Variants in ZNF90 observed in about 807,000 individuals in gnomAD.
ZNF90 encodes zinc finger protein 90, also known as zinc finger protein HTF9.
In ZNF90, 11 loss-of-function variants were observed where a neutral mutation model predicts 12.0. The observed-to-expected ratio is 0.92, with a 90% CI of 0.58 to 1.52. The LOEUF (loss-of-function observed/expected upper bound fraction) is 1.52. Ranked by LOEUF, ZNF90 falls within the 40% of genes most tolerant of loss-of-function variation. ZNF90 has a pLI of 0.00. For synonymous variants in ZNF90, 232 were observed against 240.1 expected, an observed-to-expected ratio of 0.97 and a Z score of 0.31; for missense variants, 765 against 711.5, an observed-to-expected ratio of 1.08 and a Z score of -0.86.
In ZNF90 at chr19:20,119,952, A is replaced by G. The variant is rs2089181993; in HGVS notation, c.*592A>G. ...AAGAGGAACTTTACAAACTTGAAAG[A>G]TGTGACAGTGCTTTTACCACCACCT... On this transcript the variant is annotated 3_prime_UTR_variant, in exon 4 of 4. Transcript: ENST00000418063. Among the ~76,000 whole-genome samples, 1 of 152,196 alleles carries G rather than the reference A, an allele frequency of 6.6e-6. No individual in the cohort carries two copies. The highest frequency in any genetic ancestry group is 2.4e-5 in the African/African-American group (1 of 41,450).
chr19:20,088,212 G>C lies in ZNF90; in HGVS notation c.3+10077G>C, dbSNP rs138858150. ...GTTGGGGCGGCAAAAATTTTTGGGGGGTGGTATGGAGAGAGAATGGGCGAT... is the reference window on the plus strand; with the variant it reads ...GTTGGGGCGGCAAAAATTTTTGGGGCGTGGTATGGAGAGAGAATGGGCGAT... On this transcript the variant is annotated intron_variant, in intron 1 of 3. Coordinates refer to ENST00000418063, the MANE Select transcript of ZNF90 (RefSeq NM_007138.2). Among the ~76,000 whole-genome samples the C allele has an allele frequency of 4.2e-3, 632 of 151,898 alleles. 5 individuals are homozygous for C. Among genetic ancestry groups the C allele is most frequent in the African/African-American group, 0.015 (604 of 41,380 alleles).
At chr19:20,117,733 T>C (rs2089152402) in intron 3 of ZNF90, 48 bp from the exon 4 acceptor site, 1 of 1,448,468 alleles carries the variant, frequency 6.9e-7, no homozygotes, top group Non-Finnish European at 9.1e-7. Context: ...AACCTGTATT[T>C]ATCAGAATCT....
intron 3 of ZNF90, among the ~76,000 whole-genome samples, chr19:20,115,515 A>C (rs73536244): frequency 0.08 from 12,067 of 150,742 alleles, 1,613 homozygotes; most frequent in African/African-American, 0.28. Context: ...GGGATTCTAT[A>C]AAAACTCTAA....
At chr19:20,110,663 G>A (rs191204214) in intron 3 of ZNF90, among the ~76,000 whole-genome samples, 16 of 152,186 alleles carry the variant, frequency 1.1e-4, no homozygotes, top group Non-Finnish European at 4.4e-5. Context: ...TTTAACATGG[G>A]TTTCATTTTT....
Position 20,117,175 on chromosome 19 carries a change from TAGGATTACA to T in ZNF90, c.227-605_227-597del, listed in dbSNP as rs200361565. Among the ~76,000 whole-genome samples the T allele has an allele frequency of 8.9e-4, 136 of 151,970 alleles. 1 individual carries two copies. The East Asian group carries it at 0.021, about 23-fold the overall frequency. ...CTCCTGCCTAAGCCTCCCAAGTAGCTAGGATTACAGGTACCTGTTACCATGCCTGGCTAA... is the reference window on the plus strand; with the variant it reads ...CTCCTGCCTAAGCCTCCCAAGTAGCTGGTACCTGTTACCATGCCTGGCTAA... On this transcript the variant is annotated intron_variant, in intron 3 of 3. Transcript: ENST00000418063.
intron 1 of ZNF90, chr19:20,080,506 AGC>A (rs966836225): frequency 3.8e-6 from 1 of 265,262 alleles, no homozygotes; most frequent in Non-Finnish European, 7.9e-6. Flanking sequence ...CTGGACTTGC[AGC>A]GTTTGTGCCA....
rs114040038 is a variant in ZNF90 at position 20,110,232 on chromosome 19, A to G, written c.226+4916A>G. On this transcript the variant is annotated intron_variant, in intron 3 of 3. Coordinates refer to ENST00000418063, the MANE Select transcript of ZNF90 (RefSeq NM_007138.2). ...TTTGGCTTTTGTGAATACATATACA[A>G]TAAACATGGATTTTCAAATATGTTT... 6.0e-3 allele frequency among the ~76,000 whole-genome samples: 915 copies of G among 152,266 alleles called. 11 individuals are homozygous for G. The highest frequency in any genetic ancestry group is 0.021 in the African/African-American group (882 of 41,572).
At chr19:20,106,578 C>T (rs1163631631) in intron 3 of ZNF90, among the ~76,000 whole-genome samples, 1 of 152,090 alleles carries the variant, frequency 6.6e-6, no homozygotes, top group East Asian at 1.9e-4. Context: ...CTCAGCTTCC[C>T]GAGTAGCTGG....
rs782350995 is a variant in ZNF90, at chr19:20,118,188, A to T, written c.634A>T (p.Arg212Trp). ...KCEECGKAFN[R>W]SSHLTSHKRI... The stretch of plus-strand genomic sequence containing the variant: ...TGAAGAATGTGGCAAAGCCTTCAAC[A>T]GGTCCTCACACCTTACTTCACATAA... The change falls in exon 4 of 4, where the codon AGG (arginine) becomes TGG (tryptophan). Residue 212 changes from arginine to tryptophan, a missense_variant. Arg to Trp is a moderately radical substitution (Grantham distance 101). Coordinates refer to ENST00000418063, the MANE Select transcript of ZNF90 (RefSeq NM_007138.2). The T allele has an allele frequency of 1.9e-6, 3 of 1,606,038 alleles. No individual in the cohort carries two copies. The highest frequency in any genetic ancestry group is 2.2e-5 in the South Asian group (2 of 89,490).
chr19:20,106,901 G>C, intron 3 of ZNF90: 1 of 452,158 alleles, frequency 2.2e-6, no homozygotes, highest in Non-Finnish European at 4.4e-6. Flanking sequence ...TAGTTGGCTT[G>C]TTACAGGGGC....
intron 1 of ZNF90, among the ~76,000 whole-genome samples, chr19:20,099,445 A>G (rs528543460): frequency 6.6e-6 from 1 of 152,190 alleles, no homozygotes; most frequent in Non-Finnish European, 1.5e-5. Flanking sequence ...CATGGGAGGA[A>G]CGGTCTATCA....
intron 3 of ZNF90, among the ~76,000 whole-genome samples, chr19:20,110,144 T>C (rs1474230082): frequency 1.3e-5 from 2 of 152,238 alleles, no homozygotes; most frequent in African/African-American, 4.8e-5. Context: ...AATATTCCAT[T>C]GTATGTATAT....
At chr19:20,098,703 AT>A (rs1297725084) in intron 1 of ZNF90, among the ~76,000 whole-genome samples, 1 of 152,232 alleles carries the variant, frequency 6.6e-6, no homozygotes, top group Non-Finnish European at 1.5e-5. Context: ...GTCACTGAGA[AT>A]TCTGTCACAA....
chr19:20,104,515 G>T, intron 2 of ZNF90, 150 bp downstream of exon 2: 1 of 990,922 alleles, frequency 1.0e-6, no homozygotes, highest in Non-Finnish European at 1.4e-6. Flanking sequence ...TTTTAGAAGT[G>T]AATTTCTTCA....
intron 1 of ZNF90, among the ~76,000 whole-genome samples, chr19:20,096,170 G>T (rs1324270086): frequency 6.6e-6 from 1 of 152,158 alleles, no homozygotes; most frequent in Non-Finnish European, 1.5e-5. Context: ...GGAGAAGAGA[G>T]TAAAAAGAGG....
intron 1 of ZNF90, among the ~76,000 whole-genome samples, chr19:20,087,994 T>C (rs2088872928): frequency 6.6e-6 from 1 of 152,064 alleles, no homozygotes; most frequent in Non-Finnish European, 1.5e-5. Context: ...TTACACTTCC[T>C]TTGTGGTGGA....
intron 3 of ZNF90, 87 bp downstream of exon 3, chr19:20,105,403 T>C: frequency 9.2e-7 from 1 of 1,087,362 alleles, no homozygotes; most frequent in Non-Finnish European, 1.3e-6. Context: ...AAATGTGATT[T>C]AGGAAGCTGT....
chr19:20,118,107 T>G lies in ZNF90; in HGVS notation c.553T>G (p.Ser185Ala), dbSNP rs782425067. The part of the protein sequence containing the change: ...CIECGKAFNQ[S>A]STLATHKKIH... The stretch of plus-strand genomic sequence containing the variant: ...AGAATGTGGCAAAGCTTTCAACCAG[T>G]CCTCAACCCTTGCTACACATAAGAA... Residue 185 changes from serine to alanine, a missense_variant, in exon 4 of 4, where the codon TCC becomes GCC. Ser to Ala is a moderately conservative substitution (Grantham distance 99). Coordinates refer to ENST00000418063, the MANE Select transcript of ZNF90 (RefSeq NM_007138.2). 8 of 1,613,478 alleles carry G rather than the reference T, an allele frequency of 5.0e-6. No individual in the cohort carries two copies. In the African/African-American group the frequency reaches 9.3e-5, roughly 19 times the overall value.
intron 1 of ZNF90, among the ~76,000 whole-genome samples, chr19:20,082,926 G>A (rs1040433244): frequency 2.0e-5 from 3 of 152,194 alleles, no homozygotes; most frequent in African/African-American, 7.2e-5. Context: ...TAACGCTGGA[G>A]GTGAGACGTG....
Sources: gnomAD v4.1 joint callset for allele counts (sites outside exome capture counted in the v4.1 genomes callset) on GRCh38, gnomAD v4.1.1 for gene constraint, MANE v1.5 for transcripts, NCBI Gene and HGNC (gene_info 2026-07-23, HGNC 2026-07-21) for gene names.